Variants in UTRN observed in about 807,000 individuals in gnomAD.
UTRN encodes the protein utrophin.
A neutral mutation model predicts 463.9 loss-of-function variants in UTRN; 283 were observed. That is an observed-to-expected ratio of 0.61 (90% CI 0.55 to 0.67). The LOEUF is 0.67. UTRN is among the 30% of genes least tolerant of loss of function. The pLI is 0.00. For missense variants in UTRN, 3,922 were observed against 4,084.3 expected, an observed-to-expected ratio of 0.96 and a Z score of 1.08; for synonymous variants, 1,442 against 1,431.5, an observed-to-expected ratio of 1.01 and a Z score of -0.17.
At chr6:144,426,821 A>G (rs902825508) in intron 7 of UTRN, among the ~76,000 whole-genome samples, 1 of 152,218 alleles carries the variant, frequency 6.6e-6, no homozygotes, top group African/African-American at 2.4e-5. Context: ...CTGTAAATTC[A>G]ATGCATTCCC....
At chr6:144,363,109 A>G (rs1779217604) in intron 2 of UTRN, among the ~76,000 whole-genome samples, 1 of 152,206 alleles carries the variant, frequency 6.6e-6, no homozygotes, top group Admixed American at 6.5e-5. Context: ...TAATGGTTAT[A>G]CATAATAATT....
chr6:144,647,027 T>C (rs369461661), intron 51 of UTRN, among the ~76,000 whole-genome samples: 1 of 152,090 alleles, frequency 6.6e-6, no homozygotes, highest in East Asian at 1.9e-4. Flanking sequence ...CCTCCCTTCA[T>C]CCTAATTCCA....
intron 55 of UTRN, 76 bp from the exon 56 acceptor site, chr6:144,751,730 A>G (rs1791422432): frequency 7.1e-7 from 1 of 1,407,972 alleles, no homozygotes; most frequent in African/African-American, 1.5e-5. Context: ...TTCAGACCTA[A>G]GTTATTTAAG....
chr6:144,792,971 A>T (rs1776888550), intron 62 of UTRN, among the ~76,000 whole-genome samples: 1 of 152,170 alleles, frequency 6.6e-6, no homozygotes, highest in South Asian at 2.1e-4. Context: ...AAAACCTAAA[A>T]ACTGTATGAA....
intron 58 of UTRN, among the ~76,000 whole-genome samples, chr6:144,771,028 T>C (rs1008508195): frequency 6.6e-6 from 1 of 152,190 alleles, no homozygotes; most frequent in African/African-American, 2.4e-5. Flanking sequence ...TTTTAAGGTG[T>C]AGTGACTCCC....
At chr6:144,759,666 T>G (rs1792425991) in intron 58 of UTRN, among the ~76,000 whole-genome samples, 1 of 152,128 alleles carries the variant, frequency 6.6e-6, no homozygotes, top group Admixed American at 6.6e-5. Flanking sequence ...CCTTTAAAAG[T>G]GGCAGGGGAG....
Position 144,795,583 on chromosome 6 carries a change from A to G in UTRN, c.9078+1592A>G, listed in dbSNP as rs566547003. Among the ~76,000 whole-genome samples, 174 of 152,318 alleles carry G rather than the reference A, an allele frequency of 1.1e-3. 1 individual carries two copies. The highest frequency in any genetic ancestry group is 6.5e-4 in the Non-Finnish European group (44 of 68,020). On this transcript the variant is annotated intron_variant, in intron 63 of 74. Coordinates refer to ENST00000367545, the MANE Select transcript of UTRN (RefSeq NM_007124.3). ...ACCATTCTAACTGGTGTGAGATGGT[A>G]TCTCATTGTGGTTTTGATTTGCATT...
At position 144,850,982 on chromosome 6, in the gene UTRN, C is replaced by T; in HGVS notation, c.10294-7C>T. On this transcript the variant is annotated splice_region_variant and splice_polypyrimidine_tract_variant and intron_variant, in intron 74 of 74. Coordinates refer to ENST00000367545, the MANE Select transcript of UTRN (RefSeq NM_007124.3). ...ATTTCTGACAGTGCTATTTTCCCTT[C>T]CCATAGGCAATGTGAAGTATTCATC... 6.2e-7 allele frequency: 1 copy of T among 1,613,664 alleles called. No individual in the cohort carries two copies. The highest frequency in any genetic ancestry group is 8.5e-7 in the Non-Finnish European group (1 of 1,179,628).
At chr6:144,463,677 C>T (rs550285044) in intron 23 of UTRN, among the ~76,000 whole-genome samples, 63 of 150,580 alleles carry the variant, frequency 4.2e-4, no homozygotes, top group Non-Finnish European at 6.5e-4. Flanking sequence ...TCTTATTCAC[C>T]GATGTATGCC....
intron 34 of UTRN, among the ~76,000 whole-genome samples, chr6:144,500,681 A>G (rs907055509): frequency 9.2e-5 from 14 of 152,212 alleles, no homozygotes; most frequent in Non-Finnish European, 1.9e-4. Context: ...TAATCTTTCT[A>G]TTGCAAACTT....
intron 2 of UTRN, among the ~76,000 whole-genome samples, chr6:144,341,755 C>T (rs1777154155): frequency 6.6e-6 from 1 of 152,134 alleles, no homozygotes; most frequent in Non-Finnish European, 1.5e-5. Flanking sequence ...TATTTACATT[C>T]AGAATTTCAT....
chr6:144,447,182 TAAA>T, intron 14 of UTRN, 26 bp from the exon 15 acceptor site: 1 of 1,590,280 alleles, frequency 6.3e-7, no homozygotes, highest in Admixed American at 1.8e-5. Context: ...ATTTTGCAGA[TAAA>T]GTTCAACTTT....
intron 2 of UTRN, among the ~76,000 whole-genome samples, chr6:144,349,345 G>A (rs1470623275): frequency 6.6e-6 from 1 of 152,142 alleles, no homozygotes; most frequent in Admixed American, 6.5e-5. Context: ...TGGCCCTCAA[G>A]ATCTGGGTTT....
At chr6:144,423,753 T>C (rs1042104655) in intron 5 of UTRN, 127 bp downstream of exon 5, 43 of 1,188,760 alleles carry the variant, frequency 3.6e-5, no homozygotes, top group Non-Finnish European at 5.1e-5. Context: ...TGAGAAATAC[T>C]GAACTTTTTC....
At chr6:144,623,735 TA>T (rs1299985344) in intron 51 of UTRN, among the ~76,000 whole-genome samples, 1 of 152,208 alleles carries the variant, frequency 6.6e-6, no homozygotes, top group Non-Finnish European at 1.5e-5. Flanking sequence ...TTTCAGTGCT[TA>T]AAAAATTATT....
chr6:144,432,691 A>AT (rs1785984735), intron 9 of UTRN, among the ~76,000 whole-genome samples: 1 of 150,148 alleles, frequency 6.7e-6, no homozygotes, highest in African/African-American at 2.4e-5. Context: ...TTTTTTTTTT[A>AT]ATATATATTT....
intron 2 of UTRN, among the ~76,000 whole-genome samples, chr6:144,376,101 C>T (rs930582921): frequency 7.9e-5 from 12 of 152,154 alleles, no homozygotes; most frequent in Admixed American, 5.9e-4. Flanking sequence ...GTCCTCCCAC[C>T]TCATCCTCCC....
At chr6:144,606,342 T>C (rs1413717943) in intron 51 of UTRN, among the ~76,000 whole-genome samples, 1 of 152,242 alleles carries the variant, frequency 6.6e-6, no homozygotes, top group African/African-American at 2.4e-5. Context: ...AGGGTGTCTA[T>C]GACCTATAAT....
chr6:144,798,083 TGGA>T, intron 64 of UTRN, 93 bp downstream of exon 64: 1 of 1,554,618 alleles, frequency 6.4e-7, no homozygotes, highest in Non-Finnish European at 8.7e-7. Context: ...CATTCCCATT[TGGA>T]GGTTTGCTTT....
Sources: gnomAD v4.1 joint callset for allele counts (sites outside exome capture counted in the v4.1 genomes callset) on GRCh38, gnomAD v4.1.1 for gene constraint, MANE v1.5 for transcripts, NCBI Gene and HGNC (gene_info 2026-07-23, HGNC 2026-07-21) for gene names.